Variants in PLCB1 observed in about 807,000 individuals in gnomAD.
The protein encoded by PLCB1 is phospholipase C beta 1.
PLCB1 carries 46 observed loss-of-function variants against 161.8 expected under a neutral mutation model. The observed-to-expected ratio is 0.28, with a 90% confidence interval of 0.22 to 0.36. The LOEUF is 0.36. Ranked by LOEUF, PLCB1 falls within the 10% of genes least tolerant of loss-of-function variation. PLCB1 has a pLI of 1.00. For missense variants in PLCB1, 1,016 were observed against 1,472.5 expected (o/e 0.69, Z 5.07); for synonymous variants, 517 against 503.7 (o/e 1.03, Z -0.35).
At chr20:8,672,789 G>A (rs1046116403) in intron 9 of PLCB1, among the ~76,000 whole-genome samples, 5 of 152,162 alleles carry the variant, frequency 3.3e-5, no homozygotes, top group African/African-American at 1.2e-4. Flanking sequence ...TAAATGAGGG[G>A]CATCAGCTTG....
chr20:8,873,855 CTTTT>C (rs1987688644), intron 31 of PLCB1, among the ~76,000 whole-genome samples: 1 of 151,996 alleles, frequency 6.6e-6, no homozygotes, highest in Admixed American at 6.6e-5. Context: ...TGTTTCTTGG[CTTTT>C]TTGTTAGTTT....
intron 2 of PLCB1, among the ~76,000 whole-genome samples, chr20:8,253,647 A>T (rs964208056): frequency 6.6e-6 from 1 of 151,978 alleles, no homozygotes; most frequent in African/African-American, 2.4e-5. Flanking sequence ...TTTTAGATAC[A>T]GGGAGTACAT....
At chr20:8,717,395 A>G (rs887784649) in intron 13 of PLCB1, among the ~76,000 whole-genome samples, 11 of 152,346 alleles carry the variant, frequency 7.2e-5, no homozygotes, top group African/African-American at 2.2e-4. Flanking sequence ...TGGAAAATTC[A>G]TAAATGTTCA....
At chr20:8,666,157 C>T (rs904917378) in intron 9 of PLCB1, among the ~76,000 whole-genome samples, 1 of 152,118 alleles carries the variant, frequency 6.6e-6, no homozygotes, top group East Asian at 1.9e-4. Flanking sequence ...CCCAGAGTTC[C>T]TCGGTGAGAC....
At chr20:8,683,320 C>A (rs978605242) in intron 9 of PLCB1, among the ~76,000 whole-genome samples, 1 of 151,510 alleles carries the variant, frequency 6.6e-6, no homozygotes, top group Non-Finnish European at 1.5e-5. Flanking sequence ...TATTTTTTCT[C>A]TCTGTTTATC....
intron 31 of PLCB1, among the ~76,000 whole-genome samples, chr20:8,876,896 T>C (rs961024428): frequency 6.6e-6 from 1 of 152,112 alleles, no homozygotes; most frequent in African/African-American, 2.4e-5. Flanking sequence ...ACGTCTGGAC[T>C]CAGAACAGCA....
intron 26 of PLCB1, among the ~76,000 whole-genome samples, chr20:8,772,156 C>T (rs922674285): frequency 2.0e-5 from 3 of 150,390 alleles, no homozygotes; most frequent in Non-Finnish European, 2.9e-5. Context: ...GCTGGAATTA[C>T]AGGCGTGAGC....
chr20:8,507,493 G>T (rs976521997), intron 3 of PLCB1, among the ~76,000 whole-genome samples: 1 of 152,160 alleles, frequency 6.6e-6, no homozygotes, highest in African/African-American at 2.4e-5. Flanking sequence ...AGAAGTAATA[G>T]TTACAATAAG....
chr20:8,769,375 C>CTATA (rs147923379), intron 26 of PLCB1, among the ~76,000 whole-genome samples: 17 of 150,466 alleles, frequency 1.1e-4, no homozygotes, highest in African/African-American at 3.9e-4. Flanking sequence ...AGTTCTATTT[C>CTATA]TATATATATA....
chr20:8,470,643 C>T (rs1038304546), intron 3 of PLCB1, among the ~76,000 whole-genome samples: 1 of 152,264 alleles, frequency 6.6e-6, no homozygotes, highest in African/African-American at 2.4e-5. Flanking sequence ...TTCCCAAGAT[C>T]AAGTGATCCT....
chr20:8,385,343 A>G (rs1987392077), intron 3 of PLCB1, among the ~76,000 whole-genome samples: 1 of 152,138 alleles, frequency 6.6e-6, no homozygotes, highest in Admixed American at 6.5e-5. Context: ...CTGTGGGGGA[A>G]CCTCTTGGGA....
chr20:8,435,292 A>G (rs886686954), intron 3 of PLCB1, among the ~76,000 whole-genome samples: 9 of 152,204 alleles, frequency 5.9e-5, no homozygotes, highest in Non-Finnish European at 1.2e-4. Context: ...GTTGGTGTCC[A>G]TGCCCTGCCC....
At chr20:8,789,456 A>T in intron 29 of PLCB1, 62 bp from the exon 30 acceptor site, 1 of 1,034,984 alleles carries the variant, frequency 9.7e-7, no homozygotes, top group Non-Finnish European at 1.5e-6. Flanking sequence ...TAGAAGTCTG[A>T]GATTACCATT....
chr20:8,163,168 C>T (rs990980818), intron 2 of PLCB1, among the ~76,000 whole-genome samples: 1 of 152,152 alleles, frequency 6.6e-6, no homozygotes, highest in East Asian at 1.9e-4. Context: ...CAAGGGAAGA[C>T]AGCCATTAAA....
intron 2 of PLCB1, among the ~76,000 whole-genome samples, chr20:8,236,354 G>C (rs191072862): frequency 3.9e-5 from 6 of 152,096 alleles, no homozygotes; most frequent in Admixed American, 3.9e-4. Flanking sequence ...AACATAGTGA[G>C]ACCCCTGTCT....
At chr20:8,650,160 C>G (rs1203063939) in intron 7 of PLCB1, among the ~76,000 whole-genome samples, 2 of 148,504 alleles carry the variant, frequency 1.3e-5, no homozygotes, top group Non-Finnish European at 2.9e-5. Context: ...AACAATAAAC[C>G]CTTCTTGATG....
At chr20:8,730,335 A>G (rs759115994) in intron 18 of PLCB1, among the ~76,000 whole-genome samples, 6 of 151,598 alleles carry the variant, frequency 4.0e-5, no homozygotes, top group Admixed American at 6.6e-5. Context: ...CTTTTTTTTC[A>G]TCCTAAACAA....
At chr20:8,846,092 T>C (rs1225075596) in intron 31 of PLCB1, among the ~76,000 whole-genome samples, 1 of 152,192 alleles carries the variant, frequency 6.6e-6, no homozygotes. Context: ...AGAGGTTTAA[T>C]TGGCTCTGCA....
chr20:8,151,957 C>A (rs1555786555), intron 2 of PLCB1, among the ~76,000 whole-genome samples: 2 of 152,096 alleles, frequency 1.3e-5, no homozygotes, highest in Non-Finnish European at 1.5e-5. Flanking sequence ...ACCAAAGGCT[C>A]TTTGTTGCAT....
Sources: gnomAD v4.1 joint callset for allele counts (sites outside exome capture counted in the v4.1 genomes callset) on GRCh38, gnomAD v4.1.1 for gene constraint, MANE v1.5 for transcripts, NCBI Gene and HGNC (gene_info 2026-07-23, HGNC 2026-07-21) for gene names.